Variants in USP35 observed in about 807,000 individuals in gnomAD.
USP35 encodes the protein ubiquitin carboxyl-terminal hydrolase 35.
Under a neutral mutation model 83.8 loss-of-function variants are expected in USP35, and 69 were observed. The ratio of observed to expected loss-of-function variants is 0.82; its 90% CI spans 0.68 to 1.01. USP35 has a LOEUF of 1.01. Ranked by LOEUF, USP35 falls within the 50% of genes least tolerant of loss-of-function variation. The pLI is 0.00. For synonymous variants in USP35, 714 were observed against 589.5 expected, an observed-to-expected ratio of 1.21 and a Z score of -3.06; for missense variants, 1,503 against 1,362.5, an observed-to-expected ratio of 1.10 and a Z score of -1.62.
chr11:78,222,268 ACATGAG>A, the USP35 span: 1 of 935,054 alleles, frequency 1.1e-6, no homozygotes, highest in East Asian at 2.4e-5. Context: ...TATATATAAC[ACATGAG>A]CATGTTTATA....
chr11:78,235,073 A>G, the USP35 span, among the ~76,000 whole-genome samples: 1 of 152,142 alleles, frequency 6.6e-6, no homozygotes, highest in East Asian at 1.9e-4. Context: ...CATTTTCCCC[A>G]TGGTCTTGGA....
intron 1 of USP35, among the ~76,000 whole-genome samples, chr11:78,190,629 G>A (rs1199782703): frequency 3.3e-5 from 5 of 152,220 alleles, no homozygotes; most frequent in African/African-American, 1.2e-4. Flanking sequence ...GGGAGACAGA[G>A]ACATGGATTC....
At chr11:78,225,696 C>G in the USP35 span, among the ~76,000 whole-genome samples, 5 of 152,206 alleles carry the variant, frequency 3.3e-5, no homozygotes, top group Non-Finnish European at 4.4e-5. Flanking sequence ...AAACTAGGAG[C>G]TGGGACTCTA....
At chr11:78,201,305 C>G (rs190034663) in intron 6 of USP35, among the ~76,000 whole-genome samples, 73 of 152,258 alleles carry the variant, frequency 4.8e-4, no homozygotes, top group Non-Finnish European at 8.5e-4. Flanking sequence ...TGTGAGCACT[C>G]CAGACCAGGG....
chr11:78,213,229 C>T (rs926244530), intron 10 of USP35, among the ~76,000 whole-genome samples: 6 of 152,126 alleles, frequency 3.9e-5, no homozygotes, highest in African/African-American at 7.2e-5. Context: ...CAGATGGAGG[C>T]AGGGTGGCGG....
At chr11:78,203,881 A>ATT (rs1863441401) in intron 6 of USP35, among the ~76,000 whole-genome samples, 5 of 98,678 alleles carry the variant, frequency 5.1e-5, no homozygotes, top group Admixed American at 1.2e-4. Flanking sequence ...CCCAGCCCAT[A>ATT]TTTTTCTTTT....
At chr11:78,221,154 T>C in the USP35 span, among the ~76,000 whole-genome samples, 5 of 152,340 alleles carry the variant, frequency 3.3e-5, no homozygotes, top group South Asian at 1.0e-3. Context: ...TAGTCCTGTG[T>C]TCTGTTTGTT....
At chr11:78,203,292 C>G (rs553215888) in intron 6 of USP35, among the ~76,000 whole-genome samples, 1 of 152,188 alleles carries the variant, frequency 6.6e-6, no homozygotes, top group South Asian at 2.1e-4. Context: ...ACTCTGGATG[C>G]ATCGGAGGGG....
chr11:78,234,732 T>G, the USP35 span, among the ~76,000 whole-genome samples: 1 of 151,996 alleles, frequency 6.6e-6, no homozygotes, highest in Non-Finnish European at 1.5e-5. Flanking sequence ...ATTATCTTGA[T>G]TACCATAGTT....
At chr11:78,200,091 C>A in intron 4 of USP35, 42 bp from the exon 5 acceptor site, 2 of 1,603,806 alleles carry the variant, frequency 1.2e-6, no homozygotes, top group Non-Finnish European at 1.7e-6. Flanking sequence ...TTGGCCTCAG[C>A]AGCTCAAGCC....
chr11:78,198,788 C>T (rs1863236683), intron 3 of USP35: 6 of 778,090 alleles, frequency 7.7e-6, no homozygotes, highest in Non-Finnish European at 9.4e-6. Flanking sequence ...AGTTACTCAA[C>T]CTCTCTGTTT....
the USP35 span, among the ~76,000 whole-genome samples, chr11:78,232,704 G>C: frequency 6.6e-6 from 1 of 152,076 alleles, no homozygotes; most frequent in Non-Finnish European, 1.5e-5. Context: ...TTTCTAAGGT[G>C]CTTAATTTAC....
chr11:78,215,263 C>T (rs866901), downstream of USP35: 24,996 of 152,506 alleles, frequency 0.16, 2,574 homozygotes, highest in East Asian at 0.4. Context: ...ACCACCAAGC[C>T]CCTCAAGACA....
intron 2 of USP35, among the ~76,000 whole-genome samples, chr11:78,197,414 A>G (rs1053220154): frequency 6.6e-6 from 1 of 152,026 alleles, no homozygotes; most frequent in Non-Finnish European, 1.5e-5. Flanking sequence ...GAAACGTAAA[A>G]TCTTGATCCT....
rs769251989 is a variant in USP35, at chr11:78,197,920, C to G, written c.674-16C>G. ...GCCTGCCTCCCTGCTAAGCTCAGCCCTGTCCCCTGTTCCAGAGGAGGAGCC... is the reference window on the plus strand; with the variant it reads ...GCCTGCCTCCCTGCTAAGCTCAGCCGTGTCCCCTGTTCCAGAGGAGGAGCC... On this transcript the variant is annotated splice_polypyrimidine_tract_variant and intron_variant, in intron 2 of 10. Transcript: ENST00000529308. 5 of 1,613,288 alleles carry G rather than the reference C, an allele frequency of 3.1e-6. No individual in the cohort carries two copies. The Admixed American group carries it at 8.3e-5, about 27-fold the overall frequency.
chr11:78,233,326 C>T, the USP35 span, among the ~76,000 whole-genome samples: 3 of 152,172 alleles, frequency 2.0e-5, no homozygotes, highest in Admixed American at 6.5e-5. Context: ...TGAGCCACTG[C>T]GTCTGGCCTG....
chr11:78,196,371 G>C lies in USP35; in HGVS notation c.126G>C (p.Leu42=). 6.6e-7 allele frequency: 1 copy of C among 1,512,934 alleles called. No individual in the cohort carries two copies. Among genetic ancestry groups the C allele is most frequent in the Non-Finnish European group, 8.7e-7 (1 of 1,143,792 alleles). The allele number at this position is 1,512,934 out of a possible 1,614,324, so 93.7% of individuals were successfully genotyped here. A position where few individuals can be genotyped will look rare whatever the true frequency, so the allele number is the denominator to read the frequency against. Residue 42 remains leucine, a synonymous_variant, in exon 2 of 11, where the codon CTG becomes CTC. Coordinates refer to ENST00000529308, the MANE Select transcript of USP35 (RefSeq NM_020798.4). The surrounding 1 kb of genome is among the most constrained non-coding windows in gnomAD (Gnocchi z 4.8). The part of the protein sequence containing the change: ...PLEREQCLAL[L]ALGARLYVGG... The stretch of plus-strand genomic sequence containing the variant: ...AGCGTGAGCAGTGCCTGGCGCTGCT[G>C]GCGCTGGGCGCGCGCCTCTACGTGG...
rs753738691 is a variant in USP35 at position 78,196,877 on chromosome 11, T to A, written c.632T>A (p.Leu211Gln). Residue 211 changes from leucine to glutamine, a missense_variant, in exon 2 of 11, where the codon CTG becomes CAG. Physicochemically the swap from Leu to Gln is moderately radical, Grantham distance 113. Transcript: ENST00000529308. This position sits in a 1 kb window ranked among gnomAD's most constrained non-coding sequence, Gnocchi z 4.8. The part of the protein sequence containing the change: ...QLWRAQPAAI[L>Q]PCLKELFAVI... ...TGGCGCGCACAGCCCGCCGCCATCC[T>A]GCCCTGCCTCAAAGAGCTGTTCGCA... 48 of 1,474,584 alleles carry A rather than the reference T, an allele frequency of 3.3e-5. No homozygotes were observed. Among genetic ancestry groups the A allele is most frequent in the Non-Finnish European group, 4.1e-5 (46 of 1,116,766 alleles). The allele number at this position is 1,474,584 out of a possible 1,614,324, so 91.3% of individuals were successfully genotyped here. A position where few individuals can be genotyped will look rare whatever the true frequency, so the allele number is the denominator to read the frequency against.
chr11:78,220,313 A>G, the USP35 span: 5 of 1,612,120 alleles, frequency 3.1e-6, no homozygotes, highest in Non-Finnish European at 4.2e-6. Flanking sequence ...ACTCTACTCC[A>G]GGCACCTTGC....
Sources: gnomAD v4.1 joint callset for allele counts (sites outside exome capture counted in the v4.1 genomes callset) on GRCh38, gnomAD v4.1.1 for gene constraint, Gnocchi (gnomAD v3.1) non-coding constraint, MANE v1.5 for transcripts, NCBI Gene and HGNC (gene_info 2026-07-23, HGNC 2026-07-21) for gene names.